The following SLC35B3 variants were observed in gnomAD, a reference collection of about 807,000 sequenced individuals.
SLC35B3 encodes solute carrier family 35 member B3, also known as adenosine 3'-phospho 5'-phosphosulfate transporter 2.
Under a neutral mutation model 44.1 loss-of-function variants are expected in SLC35B3, and 35 were observed. That is an observed-to-expected ratio of 0.79 (90% CI 0.61 to 1.05). The LOEUF is 1.05. SLC35B3 is among the 50% of genes least tolerant of loss of function. The pLI, the probability that SLC35B3 is intolerant of heterozygous loss-of-function variation, is 0.00. For synonymous variants in SLC35B3, 146 were observed against 167.3 expected (o/e 0.87, Z 0.98); for missense variants, 414 against 476.4 (o/e 0.87, Z 1.22).
chr6:8,430,756 G>A (rs1223449324), intron 2 of SLC35B3, among the ~76,000 whole-genome samples: 1 of 151,870 alleles, frequency 6.6e-6, no homozygotes, highest in Non-Finnish European at 1.5e-5. Flanking sequence ...AAATTAGCTG[G>A]ACATGGTGGT....
chr6:8,416,956 G>A lies in SLC35B3; in HGVS notation c.913C>T (p.Leu305Phe). 4 of 1,604,060 alleles carry A rather than the reference G, an allele frequency of 2.5e-6. No homozygotes were observed. Among genetic ancestry groups the A allele is most frequent in the Middle Eastern group, 1.7e-4 (1 of 6,030 alleles). ...AAGGAGATTCCAAAATATCCAGTGA[G>A]GGAAAAAAGGAACGCATAACCATAG... The change falls in exon 9 of 11, where the codon CTC (leucine) becomes TTC (phenylalanine). Residue 305 changes from leucine to phenylalanine, a missense_variant. Leu to Phe is a conservative substitution (Grantham distance 22). Transcript: ENST00000644923.
In SLC35B3 at chr6:8,417,406, G is replaced by A. The variant is rs137936752; in HGVS notation, c.869C>T (p.Ala290Val). Residue 290 changes from alanine (A) to valine (V), a missense_variant, in exon 8 of 11, where the codon GCA (alanine) becomes GTA (valine). By Grantham distance (64) the Ala-to-Val change is moderately conservative. Transcript: ENST00000644923. ...TTAAATGTGATTAGTGTTTACCTTT[G>A]CACAAAATGTTACTGCAGGGCCTAA... 3.2e-6 allele frequency: 5 copies of A among 1,574,830 alleles called. No individual in the cohort carries two copies. The African/African-American group carries it at 5.5e-5, about 17-fold the overall frequency.
At chr6:8,430,913 AAAAAC>A (rs3032673) in intron 2 of SLC35B3, among the ~76,000 whole-genome samples, 1 of 151,032 alleles carries the variant, frequency 6.6e-6, no homozygotes, top group Non-Finnish European at 1.5e-5. Context: ...AATAAATGAA[AAAAAC>A]AAAACAAAGA....
At chr6:8,431,857 T>C (rs1671518050) in intron 2 of SLC35B3, among the ~76,000 whole-genome samples, 1 of 152,220 alleles carries the variant, frequency 6.6e-6, no homozygotes, top group Non-Finnish European at 1.5e-5. Flanking sequence ...CATAGGTTTC[T>C]AAGTTTGCTC....
At chr6:8,428,097 G>T in intron 3 of SLC35B3, 39 bp from the exon 3 acceptor site, 1 of 1,391,554 alleles carries the variant, frequency 7.2e-7, no homozygotes, top group Non-Finnish European at 9.4e-7. Context: ...GTCCAAGGCA[G>T]CACACTAATT....
Position 8,434,388 on chromosome 6 carries a change from G to A in SLC35B3, c.-1C>T. On this transcript the variant is annotated 5_prime_UTR_variant, in exon 2 of 11. Coordinates refer to ENST00000644923, the MANE Select transcript of SLC35B3 (RefSeq NM_001370476.2). This position sits in a 1 kb window ranked among gnomAD's most constrained non-coding sequence, Gnocchi z 6.3. The stretch of plus-strand genomic sequence containing the variant: ...GTTACAAATAAAAGAATCTTACCAT[G>A]CCATTATGCCTTGATTAACTGCGCT... 1 of 1,612,540 alleles carries A rather than the reference G, an allele frequency of 6.2e-7. No individual in the cohort carries two copies. Among genetic ancestry groups the A allele is most frequent in the East Asian group, 2.2e-5 (1 of 44,704 alleles).
At position 8,435,195 on chromosome 6, in the gene SLC35B3, A is replaced by G; in HGVS notation, c.-44+148T>C. ...CGCCCGGCCGGTTTCCGCTCTTTCA[A>G]AAAAGGGAATCACCCGTTTCTTCCA... is the stretch of plus-strand genomic sequence containing the variant. On this transcript the variant is annotated intron_variant, in intron 1 of 10. Transcript: ENST00000644923. The surrounding 1 kb of genome is among the most constrained non-coding windows in gnomAD (Gnocchi z 5.5). 1 of 1,288,706 alleles carries G rather than the reference A, an allele frequency of 7.8e-7. No individual in the cohort carries two copies. The allele number at this position is 1,288,706 out of a possible 1,614,324, so 79.8% of individuals were successfully genotyped here. A position where few individuals can be genotyped will look rare whatever the true frequency, so the allele number is the denominator to read the frequency against.
Position 8,433,131 on chromosome 6 carries a change from C to G in SLC35B3, c.3+1254G>C, listed in dbSNP as rs1412171188. On this transcript the variant is annotated intron_variant, in intron 2 of 10. Coordinates refer to ENST00000644923, the MANE Select transcript of SLC35B3 (RefSeq NM_001370476.2). This position sits in a 1 kb window ranked among gnomAD's most constrained non-coding sequence, Gnocchi z 4.1. ...GTTAACTCTACCTCTATAACTATATCTAATATCTGTTTCGGACCCTACTCC... is the reference window on the plus strand; with the variant it reads ...GTTAACTCTACCTCTATAACTATATGTAATATCTGTTTCGGACCCTACTCC... 2.0e-5 allele frequency among the ~76,000 whole-genome samples: 3 copies of G among 152,120 alleles called. No homozygotes were observed. Among genetic ancestry groups the G allele is most frequent in the Non-Finnish European group, 2.9e-5 (2 of 68,030 alleles).
At chr6:8,413,813 TAGA>T (rs1202096630) in intron 10 of SLC35B3, 114 bp from the exon 10 acceptor site, 1 of 613,740 alleles carries the variant, frequency 1.6e-6, no homozygotes, top group East Asian at 2.9e-5. Flanking sequence ...AAAATTCTAT[TAGA>T]AGCCTACAAT....
intron 4 of SLC35B3, 103 bp from the exon 4 acceptor site, chr6:8,422,727 C>G: frequency 1.1e-6 from 1 of 883,802 alleles, no homozygotes. Flanking sequence ...TTTCTAATTT[C>G]TGGTTACTAT....
chr6:8,430,414 A>G (rs1258469315), intron 2 of SLC35B3, among the ~76,000 whole-genome samples: 1 of 128,130 alleles, frequency 7.8e-6, no homozygotes, highest in Non-Finnish European at 1.6e-5. Context: ...AACAAAAGCT[A>G]GTTATTTCAT....
In SLC35B3 at chr6:8,413,501, T is replaced by C; in HGVS notation, c.*48A>G. ...TCAGTCCCTTTGGAAAGTTAATTAATTGATGATTGTTCCCTTAAAATTCTA... is the reference window on the plus strand; with the variant it reads ...TCAGTCCCTTTGGAAAGTTAATTAACTGATGATTGTTCCCTTAAAATTCTA... On this transcript the variant is annotated 3_prime_UTR_variant, in exon 11 of 11. Transcript: ENST00000644923. The C allele has an allele frequency of 6.6e-7, 1 of 1,506,598 alleles. No individual in the cohort carries two copies. The highest frequency in any genetic ancestry group is 1.4e-5 in the African/African-American group (1 of 70,856). The allele number at this position is 1,506,598 out of a possible 1,614,324, so 93.3% of individuals were successfully genotyped here.
rs1762711185 is a variant in SLC35B3, at chr6:8,419,599, T to C, written c.761A>G (p.Asn254Ser). Residue 254 changes from asparagine to serine, a missense_variant, in exon 7 of 11, where the codon AAT (asparagine) becomes AGT (serine). By Grantham distance (46) the Asn-to-Ser change is conservative. Coordinates refer to ENST00000644923, the MANE Select transcript of SLC35B3 (RefSeq NM_001370476.2). This position sits in a 1 kb window ranked among gnomAD's most constrained non-coding sequence, Gnocchi z 4.3. Reference sequence around the variant, plus strand: ...ATTTACCATTTCAGAATTAGAAGCATTATGAAGTTTCATAGCTTTCTCTTG... The same window carrying C: ...ATTTACCATTTCAGAATTAGAAGCACTATGAAGTTTCATAGCTTTCTCTTG... The C allele has an allele frequency of 1.3e-6, 2 of 1,554,718 alleles. No individual in the cohort carries two copies. Among genetic ancestry groups the C allele is most frequent in the African/African-American group, 2.7e-5 (2 of 73,422 alleles).
chr6:8,419,965 T>C lies in SLC35B3; in HGVS notation c.683-288A>G, dbSNP rs1762748674. On this transcript the variant is annotated intron_variant, in intron 6 of 10. Coordinates refer to ENST00000644923, the MANE Select transcript of SLC35B3 (RefSeq NM_001370476.2). This position sits in a 1 kb window ranked among gnomAD's most constrained non-coding sequence, Gnocchi z 4.3. The stretch of plus-strand genomic sequence containing the variant: ...TTCCATAAATATTCTACTAGTCTAA[T>C]AGTTCCACTAGTTCTGAAAGTGTAG... Among the ~76,000 whole-genome samples the C allele has an allele frequency of 6.6e-6, 1 of 151,932 alleles. No homozygotes were observed. Among genetic ancestry groups the C allele is most frequent in the South Asian group, 2.1e-4 (1 of 4,830 alleles).
chr6:8,413,811 A>G (rs1484318639), intron 10 of SLC35B3, 112 bp from the exon 10 acceptor site: 1 of 615,312 alleles, frequency 1.6e-6, no homozygotes, highest in African/African-American at 1.9e-5. Flanking sequence ...GTAAAATTCT[A>G]TTAGAAGCCT....
At chr6:8,422,997 T>A (rs1246875776) in intron 4 of SLC35B3, among the ~76,000 whole-genome samples, 1 of 152,064 alleles carries the variant, frequency 6.6e-6, no homozygotes, top group Non-Finnish European at 1.5e-5. Flanking sequence ...CTTTTGTTGT[T>A]GTTTGCTTGA....
At chr6:8,427,817 A>C (rs1763564042) in intron 4 of SLC35B3, 120 bp downstream of exon 3, 1 of 766,314 alleles carries the variant, frequency 1.3e-6, no homozygotes. Context: ...AGTTAGTTAC[A>C]CTAAGAGTTC....
In SLC35B3 at chr6:8,433,808, A is replaced by G. The variant is rs1436864757; in HGVS notation, c.3+577T>C. On this transcript the variant is annotated intron_variant, in intron 2 of 10. Coordinates refer to ENST00000644923, the MANE Select transcript of SLC35B3 (RefSeq NM_001370476.2). The surrounding 1 kb of genome is among the most constrained non-coding windows in gnomAD (Gnocchi z 4.1). The stretch of plus-strand genomic sequence containing the variant: ...TCACTGGTGAGAAAGTGTGACTGAT[A>G]AAGACCTCTGATACCTAATAACTGT... Among the ~76,000 whole-genome samples the G allele has an allele frequency of 1.3e-5, 2 of 152,174 alleles. No homozygotes were observed. Among genetic ancestry groups the G allele is most frequent in the Admixed American group, 6.5e-5 (1 of 15,284 alleles).
chr6:8,435,514 C>T lies in SLC35B3; in HGVS notation c.-215G>A. 1.6e-6 allele frequency: 1 copy of T among 616,330 alleles called. No homozygotes were observed. Among genetic ancestry groups the T allele is most frequent in the Non-Finnish European group, 2.5e-6 (1 of 407,158 alleles). 38.2% of individuals were successfully genotyped at this position (616,330 alleles called of 1,614,324 possible). ...TCGCCTCCCCGGAAAGCACTCTCAA[C>T]TCCGGCGCCCGCAGGCCACTTCCGC... On this transcript the variant is annotated 5_prime_UTR_variant, in exon 1 of 11. Coordinates refer to ENST00000644923, the MANE Select transcript of SLC35B3 (RefSeq NM_001370476.2). The surrounding 1 kb of genome is among the most constrained non-coding windows in gnomAD (Gnocchi z 5.5).
Sources: gnomAD v4.1 joint callset for allele counts (sites outside exome capture counted in the v4.1 genomes callset) on GRCh38, gnomAD v4.1.1 for gene constraint, Gnocchi (gnomAD v3.1) non-coding constraint, MANE v1.5 for transcripts, NCBI Gene and HGNC (gene_info 2026-07-23, HGNC 2026-07-21) for gene names.